The following PCDH15 variants were observed in gnomAD, a reference collection of about 807,000 sequenced individuals.
PCDH15 encodes protocadherin related 15, also known as protocadherin-15.
A neutral mutation model predicts 178.5 loss-of-function variants in PCDH15; 129 were observed. The ratio of observed to expected loss-of-function variants is 0.72; its 90% CI spans 0.63 to 0.84. The LOEUF (loss-of-function observed/expected upper bound fraction) is 0.84, where lower values mean the gene tolerates loss of function less well. Ranked by LOEUF, PCDH15 falls within the 40% of genes least tolerant of loss-of-function variation. The probability of loss-of-function intolerance (pLI) is 0.00; values close to 1 mark genes in which losing one functional copy is unlikely to be tolerated. For missense variants in PCDH15, 2,230 were observed against 2,099.9 expected (o/e 1.06, Z -1.21); for synonymous variants, 800 against 732.0 (o/e 1.09, Z -1.50).
At chr10:55,260,494 TAC>T (rs200935397) in intron 1 of PCDH15, among the ~76,000 whole-genome samples, 4,565 of 152,266 alleles carry the variant, frequency 0.03, 123 homozygotes, top group African/African-American at 0.077. Context: ...AACTTTCAAA[TAC>T]TAATAAATTA....
chr10:54,783,999 C>A (rs1950606880), intron 1 of PCDH15, among the ~76,000 whole-genome samples: 2 of 151,182 alleles, frequency 1.3e-5, no homozygotes, highest in African/African-American at 4.9e-5. Flanking sequence ...AACAAGGCAC[C>A]TTTTTCACAC....
intron 29 of PCDH15, among the ~76,000 whole-genome samples, chr10:53,837,268 C>T (rs1464033058): frequency 1.3e-5 from 2 of 151,660 alleles, no homozygotes; most frequent in Admixed American, 1.3e-4. Context: ...ATCAAACTCA[C>T]AAAAAAATGC....
intron 1 of PCDH15, among the ~76,000 whole-genome samples, chr10:54,772,319 A>T (rs1006539358): frequency 6.6e-6 from 1 of 152,208 alleles, no homozygotes; most frequent in Admixed American, 6.5e-5. Flanking sequence ...ATGTTCAAAC[A>T]TATTTTTCAA....
chr10:55,173,682 AT>A (rs1241796738), intron 1 of PCDH15, among the ~76,000 whole-genome samples: 2 of 152,044 alleles, frequency 1.3e-5, no homozygotes, highest in Non-Finnish European at 2.9e-5. Flanking sequence ...TGTTGTTTAC[AT>A]TTTTGCTAGA....
At chr10:53,929,931 G>T (rs2084898875) in intron 25 of PCDH15, among the ~76,000 whole-genome samples, 1 of 152,148 alleles carries the variant, frequency 6.6e-6, no homozygotes, top group South Asian at 2.1e-4. Context: ...AATCTGTGCT[G>T]TAAACTTGCA....
chr10:55,518,306 C>G (rs1841069452), intron 2 of PCDH15, among the ~76,000 whole-genome samples: 1 of 152,074 alleles, frequency 6.6e-6, no homozygotes, highest in Non-Finnish European at 1.5e-5. Flanking sequence ...TAAAATCTAT[C>G]CTTGCTACTT....
intron 2 of PCDH15, among the ~76,000 whole-genome samples, chr10:55,090,109 G>C (rs1842278088): frequency 6.6e-6 from 1 of 151,860 alleles, no homozygotes; most frequent in Admixed American, 6.6e-5. Flanking sequence ...GAAAGTAATG[G>C]TAAATTCTGC....
At chr10:54,286,873 C>A (rs2059060968) in intron 8 of PCDH15, among the ~76,000 whole-genome samples, 1 of 152,144 alleles carries the variant, frequency 6.6e-6, no homozygotes, top group Non-Finnish European at 1.5e-5. Context: ...GGTGATCCAC[C>A]CACCTCCCAA....
rs193179128 is a variant in PCDH15 at position 54,107,551 on chromosome 10, C to T, written c.1918-17488G>A. On this transcript the variant is annotated intron_variant, in intron 15 of 37. Coordinates refer to ENST00000644397, the MANE Select transcript of PCDH15 (RefSeq NM_001384140.1). ...CTGAGAGGGTGGGAGGCAAATGTGGCCATGTTTGGAAGATGAAATGTTTTG... is the reference window on the plus strand; with the variant it reads ...CTGAGAGGGTGGGAGGCAAATGTGGTCATGTTTGGAAGATGAAATGTTTTG... Among the ~76,000 whole-genome samples the T allele has an allele frequency of 1.9e-3, 288 of 152,144 alleles. 2 individuals carry two copies. The highest frequency in any genetic ancestry group is 6.7e-3 in the African/African-American group (279 of 41,500).
At chr10:53,949,966 A>G (rs2086886653) in intron 23 of PCDH15, among the ~76,000 whole-genome samples, 1 of 152,150 alleles carries the variant, frequency 6.6e-6, no homozygotes, top group South Asian at 2.1e-4. Context: ...TTATTCTTTA[A>G]TATAAAGCTT....
At chr10:54,972,071 C>A (rs1838947858) in intron 2 of PCDH15, among the ~76,000 whole-genome samples, 1 of 152,118 alleles carries the variant, frequency 6.6e-6, no homozygotes, top group Non-Finnish European at 1.5e-5. Flanking sequence ...ACTGTTAGAA[C>A]CACTCTCCCA....
At chr10:55,058,654 T>G (rs1026384357) in intron 2 of PCDH15, among the ~76,000 whole-genome samples, 2 of 152,224 alleles carry the variant, frequency 1.3e-5, no homozygotes, top group African/African-American at 2.4e-5. Context: ...CTTTTTGTTA[T>G]GTATGTATAT....
At chr10:54,430,694 TC>T (rs1266958738) in intron 3 of PCDH15, among the ~76,000 whole-genome samples, 1 of 151,714 alleles carries the variant, frequency 6.6e-6, no homozygotes, top group African/African-American at 2.4e-5. Flanking sequence ...AAAAGATGCA[TC>T]TTATAAACCT....
intron 21 of PCDH15, among the ~76,000 whole-genome samples, chr10:53,968,919 T>C (rs746154052): frequency 7.2e-5 from 11 of 152,052 alleles, no homozygotes; most frequent in South Asian, 2.1e-4. Flanking sequence ...GCAGAAAAGT[T>C]GAAATTCTAA....
intron 2 of PCDH15, among the ~76,000 whole-genome samples, chr10:55,136,487 A>G (rs1838201726): frequency 6.6e-6 from 1 of 151,562 alleles, no homozygotes. Flanking sequence ...TTTCTAAAGG[A>G]AAAAAAAGAG....
At chr10:54,956,237 A>G (rs1838481787) in intron 2 of PCDH15, among the ~76,000 whole-genome samples, 1 of 151,356 alleles carries the variant, frequency 6.6e-6, no homozygotes, top group Non-Finnish European at 1.5e-5. Flanking sequence ...AATTTTAAAA[A>G]CTATTAGAAA....
intron 1 of PCDH15, among the ~76,000 whole-genome samples, chr10:54,701,582 G>A (rs1383579477): frequency 6.6e-6 from 1 of 151,846 alleles, no homozygotes; most frequent in African/African-American, 2.4e-5. Context: ...ATGACACACA[G>A]AATCTCAAAT....
At chr10:54,375,892 T>C (rs973359351) in intron 4 of PCDH15, among the ~76,000 whole-genome samples, 1 of 142,850 alleles carries the variant, frequency 7.0e-6, no homozygotes, top group Non-Finnish European at 1.5e-5. Context: ...TATATATATA[T>C]ATATAATTTT....
chr10:53,823,376 T>TAATGA, intron 32 of PCDH15: 1 of 1,603,786 alleles, frequency 6.2e-7, no homozygotes, highest in African/African-American at 1.3e-5. Context: ...GAAAAGAAGA[T>TAATGA]AATGAAATGT....
Sources: allele counts gnomAD v4.1 joint callset (sites outside exome capture counted in the v4.1 genomes callset), GRCh38; gene constraint gnomAD v4.1.1; transcripts MANE v1.5; gene names NCBI Gene and HGNC (gene_info 2026-07-23, HGNC 2026-07-21).